RYR1: variants seen among roughly 807,000 people sequenced by gnomAD.
RYR1 encodes ryanodine receptor 1, also known as central core disease of muscle.
In RYR1, 342 loss-of-function variants were observed where a neutral mutation model predicts 583.5. The ratio of observed to expected loss-of-function variants is 0.59; its 90% CI spans 0.54 to 0.64. The LOEUF (loss-of-function observed/expected upper bound fraction) is 0.64, where lower values mean the gene tolerates loss of function less well. Among genes scored for constraint, RYR1 ranks in the 30% least tolerant of loss-of-function variants. The pLI, the probability that RYR1 is intolerant of heterozygous loss-of-function variation, is 0.00. For synonymous variants in RYR1, 2,791 were observed against 2,822.5 expected, an observed-to-expected ratio of 0.99 and a Z score of 0.35; for missense variants, 6,032 against 6,917.2, an observed-to-expected ratio of 0.87 and a Z score of 4.54.
At chr19:38,482,836 C>T (rs1458511666) in intron 31 of RYR1, among the ~76,000 whole-genome samples, 191 bp from the exon 32 acceptor site, 1 of 152,032 alleles carries the variant, frequency 6.6e-6, no homozygotes, top group East Asian at 1.9e-4. Flanking sequence ...TGACAGGTTG[C>T]TCTGGGAAAG....
chr19:38,529,713 T>G (rs1485973634), intron 76 of RYR1, among the ~76,000 whole-genome samples: 2 of 152,164 alleles, frequency 1.3e-5, no homozygotes, highest in Admixed American at 6.5e-5. Flanking sequence ...GTGGGGAGGT[T>G]TTCTGTAATT....
At chr19:38,557,211 G>A (rs1360876845) in intron 89 of RYR1, among the ~76,000 whole-genome samples, 8 of 151,434 alleles carry the variant, frequency 5.3e-5, no homozygotes, top group South Asian at 2.1e-4. Context: ...GAGCCACGGC[G>A]CCCAGCCTCT....
intron 90 of RYR1, among the ~76,000 whole-genome samples, chr19:38,562,870 G>C (rs1181955277): frequency 2.0e-5 from 3 of 152,144 alleles, no homozygotes; most frequent in African/African-American, 7.2e-5. Flanking sequence ...GGCCCCCGGT[G>C]TCTCCTCACA....
Position 38,504,756 on chromosome 19 carries a change from C to A in RYR1, c.8076C>A (p.Asp2692Glu). The A allele has an allele frequency of 6.2e-7, 1 of 1,614,096 alleles. No individual in the cohort carries two copies. Among genetic ancestry groups the A allele is most frequent in the African/African-American group, 1.3e-5 (1 of 75,018 alleles). Residue 2692 changes from aspartate (D) to glutamate (E), a missense_variant, in exon 51 of 106, where the codon GAC (aspartate) becomes GAA (glutamate). This residue lies in a region of RYR1 where 1,493 missense variants were observed against 1,715.5 expected (regional missense o/e 0.87). Transcript: ENST00000359596. ...IFDSLAHKKYDPELYRMAMPC... is the reference protein window; with the variant it reads ...IFDSLAHKKYEPELYRMAMPC... Reference sequence around the variant, plus strand: ...TCACCCGGTTTTCCCAGAAATACGACCCGGAGCTGTACCGCATGGCCATGC... The same window carrying A: ...TCACCCGGTTTTCCCAGAAATACGAACCGGAGCTGTACCGCATGGCCATGC...
intron 29 of RYR1, among the ~76,000 whole-genome samples, chr19:38,476,399 A>G (rs1386482252): frequency 1.3e-5 from 2 of 152,070 alleles, no homozygotes; most frequent in South Asian, 2.1e-4. Context: ...GGGTTTCACC[A>G]TATTGGCCAG....
At chr19:38,456,850 T>G (rs950010987) in intron 16 of RYR1, among the ~76,000 whole-genome samples, 55 of 150,884 alleles carry the variant, frequency 3.6e-4, no homozygotes, top group Non-Finnish European at 6.5e-4. Context: ...ATCGAGACCA[T>G]CCTGGCTAAT....
Position 38,499,979 on chromosome 19 carries a change from T to G in RYR1, c.7286T>G (p.Leu2429Trp). Residue 2429 changes from leucine to tryptophan, a missense_variant, in exon 45 of 106, where the codon TTG becomes TGG. Leu to Trp is a moderately conservative substitution (Grantham distance 61, BLOSUM62 -2). This residue lies in a region of RYR1 where 2,627 missense variants were observed against 2,961.3 expected (regional missense o/e 0.89). Coordinates refer to ENST00000359596, the MANE Select transcript of RYR1 (RefSeq NM_000540.3). This position sits in a 1 kb window ranked among gnomAD's most constrained non-coding sequence, Gnocchi z 7.3. The stretch of plus-strand genomic sequence containing the variant: ...GCCATCATGTCCTTCTATGCCGCCT[T>G]GATCGACCTGCTCGGACGCTGTGCA... ...GHAIMSFYAA[L>W]IDLLGRCAPE... 1.2e-6 allele frequency: 2 copies of G among 1,614,180 alleles called. No individual in the cohort carries two copies. Among genetic ancestry groups the G allele is most frequent in the Middle Eastern group, 1.6e-4 (1 of 6,062 alleles).
chr19:38,533,822 C>T (rs1213021991), intron 78 of RYR1, among the ~76,000 whole-genome samples: 3 of 151,626 alleles, frequency 2.0e-5, no homozygotes, highest in Admixed American at 6.6e-5. Flanking sequence ...GATCCAACAG[C>T]TACTATAATT....
intron 67 of RYR1, among the ~76,000 whole-genome samples, chr19:38,520,844 C>T (rs564823037): frequency 2.6e-5 from 4 of 152,080 alleles, no homozygotes; most frequent in South Asian, 2.1e-4. Flanking sequence ...GAAGACTCCA[C>T]GGCAGTGGGA....
intron 71 of RYR1, 90 bp downstream of exon 71, chr19:38,525,592 A>C: frequency 1.4e-6 from 2 of 1,393,920 alleles, no homozygotes; most frequent in Admixed American, 1.9e-5. Flanking sequence ...CCACAATGCC[A>C]CTGAGCCCCC....
At chr19:38,489,525 C>T (rs991665337) in intron 35 of RYR1, 82 bp downstream of exon 35, 30 of 1,516,180 alleles carry the variant, frequency 2.0e-5, no homozygotes, top group African/African-American at 4.1e-5. Context: ...GTCTGGACTT[C>T]GTCCTCAGGC....
chr19:38,469,132 T>C lies in RYR1; in HGVS notation c.3548T>C (p.Ile1183Thr), dbSNP rs761386401. The change falls in exon 26 of 106, where the codon ATT becomes ACT. Residue 1183 changes from isoleucine to threonine, a missense_variant. Physicochemically the swap from Ile to Thr is moderately conservative, Grantham distance 89. Transcript: ENST00000359596. ...GSETAFREIE[I>T]GDGFLPVCSL... ...GAAACAGCCTTCCGGGAGATTGAGA[T>C]TGGGGACGGTGAGGGCTGAGACCCC... 39 of 1,614,046 alleles carry C rather than the reference T, an allele frequency of 2.4e-5. No homozygotes were observed. In the Admixed American group the frequency reaches 3.0e-4, roughly 12 times the overall value.
chr19:38,457,602 C>G lies in RYR1; in HGVS notation c.1897C>G (p.Gln633Glu). The part of the protein sequence containing the change: ...NLLPGRELLL[Q>E]TNLINYVTSI... ...GCTGCCTGGCCGTGAGCTTCTGCTGCAGACAAACCTCATCAACTATGTCAC... is the reference window on the plus strand; with the variant it reads ...GCTGCCTGGCCGTGAGCTTCTGCTGGAGACAAACCTCATCAACTATGTCAC... Residue 633 changes from glutamine (Q) to glutamate (E), a missense_variant, in exon 17 of 106, where the codon CAG (glutamine) becomes GAG (glutamate). Around this residue, in one of 11 missense-constraint regions of RYR1, gnomAD observed 2,627 missense variants for 2,961.3 expected, o/e 0.89. Coordinates refer to ENST00000359596, the MANE Select transcript of RYR1 (RefSeq NM_000540.3). The G allele has an allele frequency of 6.2e-7, 1 of 1,614,186 alleles. No individual in the cohort carries two copies. Among genetic ancestry groups the G allele is most frequent in the Non-Finnish European group, 8.5e-7 (1 of 1,180,026 alleles).
intron 101 of RYR1, among the ~76,000 whole-genome samples, chr19:38,582,125 C>T (rs981571366): frequency 4.0e-5 from 6 of 151,782 alleles, no homozygotes; most frequent in African/African-American, 9.7e-5. Context: ...TTGCCTTGCA[C>T]GGTGGCTCAT....
chr19:38,523,541 ATC>A (rs1035164492), intron 69 of RYR1: 44 of 590,288 alleles, frequency 7.5e-5, no homozygotes, highest in East Asian at 5.1e-4. Context: ...CTCTTCTCTC[ATC>A]TCTGTCTCCT....
At position 38,483,312 on chromosome 19, in the gene RYR1, C is replaced by T; in HGVS notation, c.4730C>T (p.Ala1577Val). The T allele has an allele frequency of 6.4e-7, 1 of 1,560,336 alleles. No individual in the cohort carries two copies. The highest frequency in any genetic ancestry group is 8.7e-7 in the Non-Finnish European group (1 of 1,152,202). The change falls in exon 33 of 106, where the codon GCC (alanine) becomes GTC (valine). Residue 1577 changes from alanine to valine, a missense_variant. Around this residue, in one of 11 missense-constraint regions of RYR1, gnomAD observed 2,627 missense variants for 2,961.3 expected, o/e 0.89. Coordinates refer to ENST00000359596, the MANE Select transcript of RYR1 (RefSeq NM_000540.3). The surrounding 1 kb of genome is among the most constrained non-coding windows in gnomAD (Gnocchi z 6.3). ...CAGAACATCATGCCGTTGTCAGCCG[C>T]CATGTTCCAAAGCGAGCGCAAGAAC... ...KQKNIMPLSAAMFQSERKNPA... is the reference protein window; with the variant it reads ...KQKNIMPLSAVMFQSERKNPA...
At chr19:38,436,960 C>T (rs950110264) in intron 1 of RYR1, among the ~76,000 whole-genome samples, 1 of 152,032 alleles carries the variant, frequency 6.6e-6, no homozygotes. Flanking sequence ...CCCTGCTGAC[C>T]CCAAATCAGG....
chr19:38,580,991 T>C (rs112131190), intron 101 of RYR1, among the ~76,000 whole-genome samples: 17,659 of 150,922 alleles, frequency 0.12, 2,162 homozygotes, highest in African/African-American at 0.31. Flanking sequence ...CTCCGCTTCC[T>C]GGGTTCAAGT....
chr19:38,525,466 A>C lies in RYR1; in HGVS notation c.10590A>C (p.Gln3530His), dbSNP rs769001737. The change falls in exon 71 of 106, where the codon CAA (glutamine) becomes CAC (histidine). Residue 3530 changes from glutamine to histidine, a missense_variant. Physicochemically the swap from Gln to His is conservative, Grantham distance 24. Around this residue, in one of 11 missense-constraint regions of RYR1, gnomAD observed 1,493 missense variants for 1,715.5 expected, o/e 0.87. Coordinates refer to ENST00000359596, the MANE Select transcript of RYR1 (RefSeq NM_000540.3). ...TGAATATGTGTGCGCCCACCGACCA[A>C]GACCTCATCACGCTGGCCAAGACCC... Reference protein sequence around the residue: ...IGLNMCAPTDQDLITLAKTRY... With the variant: ...IGLNMCAPTDHDLITLAKTRY... The C allele has an allele frequency of 1.9e-6, 3 of 1,613,936 alleles. No individual in the cohort carries two copies. The highest frequency in any genetic ancestry group is 2.5e-6 in the Non-Finnish European group (3 of 1,179,934).
Sources: allele counts gnomAD v4.1 joint callset (sites outside exome capture counted in the v4.1 genomes callset), GRCh38; gene constraint gnomAD v4.1.1; regional missense constraint gnomAD v4.1.1; non-coding constraint Gnocchi (gnomAD v3.1); transcripts MANE v1.5; gene names NCBI Gene and HGNC (gene_info 2026-07-23, HGNC 2026-07-21).